Variants in MAP4 observed in about 807,000 individuals in gnomAD.
The protein encoded by MAP4 is microtubule-associated protein 4.
Under a neutral mutation model 170.2 loss-of-function variants are expected in MAP4, and 76 were observed. That is an observed-to-expected ratio of 0.45 (90% confidence interval 0.37 to 0.54). The LOEUF (loss-of-function observed/expected upper bound fraction) is 0.54. MAP4 is among the 20% of genes least tolerant of loss of function. The pLI is 0.00. For missense variants in MAP4, 2,506 were observed against 2,748.0 expected, an observed-to-expected ratio of 0.91 and a Z score of 1.97; for synonymous variants, 909 against 994.5, an observed-to-expected ratio of 0.91 and a Z score of 1.62.
chr3:47,908,050 T>TC (rs1467162178), intron 9 of MAP4, among the ~76,000 whole-genome samples: 3 of 151,976 alleles, frequency 2.0e-5, no homozygotes, highest in Non-Finnish European at 4.4e-5. Context: ...CAATTGGTGT[T>TC]TTTTTTAAAT....
intron 4 of MAP4, among the ~76,000 whole-genome samples, chr3:47,927,089 G>A (rs1043164352): frequency 3.5e-4 from 53 of 150,560 alleles, no homozygotes; most frequent in African/African-American, 1.2e-3. Flanking sequence ...AACTCAGGAG[G>A]CAGAGGTTGC....
intron 2 of MAP4, among the ~76,000 whole-genome samples, chr3:47,996,294 C>CA: frequency 6.6e-6 from 1 of 152,228 alleles, no homozygotes; most frequent in South Asian, 2.1e-4. Context: ...ACACCAATAC[C>CA]ATGAGAAGAC....
chr3:48,019,571 G>T (rs1302181746), upstream of MAP4, among the ~76,000 whole-genome samples: 1 of 151,738 alleles, frequency 6.6e-6, no homozygotes, highest in Non-Finnish European at 1.5e-5. Context: ...TAGCTTTTGA[G>T]AACTATTTTA....
chr3:47,864,858 CT>C (rs145568889), intron 17 of MAP4, among the ~76,000 whole-genome samples: 1 of 151,954 alleles, frequency 6.6e-6, no homozygotes, highest in Non-Finnish European at 1.5e-5. Flanking sequence ...CAGAGCAAGA[CT>C]TTTTTTTGTA....
chr3:48,066,873 C>T (rs6805330), intron 1 of MAP4, among the ~76,000 whole-genome samples: 1,321 of 130,684 alleles, frequency 0.01, 24 homozygotes, highest in African/African-American at 0.038. Flanking sequence ...CGGAGTCTCG[C>T]TCTGTCGCCC....
chr3:47,910,145 T>C lies in MAP4; in HGVS notation c.4276A>G (p.Ile1426Val). The change falls in exon 9 of 21, where the codon ATA becomes GTA. Residue 1426 changes from isoleucine (I) to valine (V), a missense_variant. Transcript: ENST00000683076. ...ACCTCTAGAGGAGATGATTTATTTATCAGCTCTGATGGTGTTCTGGGACAG... is the reference window on the plus strand; with the variant it reads ...ACCTCTAGAGGAGATGATTTATTTACCAGCTCTGATGGTGTTCTGGGACAG... ...FTCPRTPSEL[I>V]NKSSPLEVLE... The C allele has an allele frequency of 6.2e-7, 1 of 1,614,042 alleles. No individual in the cohort carries two copies. Among genetic ancestry groups the C allele is most frequent in the Non-Finnish European group, 8.5e-7 (1 of 1,179,886 alleles).
At chr3:47,922,739 T>C (rs1056846074) in intron 4 of MAP4, among the ~76,000 whole-genome samples, 2 of 152,082 alleles carry the variant, frequency 1.3e-5, no homozygotes, top group Non-Finnish European at 2.9e-5. Flanking sequence ...GGTAAACTCT[T>C]TGTGCTTTTG....
At chr3:47,898,689 G>GT (rs1559963115) in intron 10 of MAP4, among the ~76,000 whole-genome samples, 1 of 152,192 alleles carries the variant, frequency 6.6e-6, no homozygotes, top group Non-Finnish European at 1.5e-5. Context: ...GCCCACGCCT[G>GT]TAACACCAGC....
intron 1 of MAP4, among the ~76,000 whole-genome samples, chr3:48,025,106 T>A (rs2100112354): frequency 6.6e-6 from 1 of 152,072 alleles, no homozygotes; most frequent in South Asian, 2.1e-4. Context: ...AGTCTACCAT[T>A]TTATGATTTG....
intron 11 of MAP4, among the ~76,000 whole-genome samples, chr3:47,876,160 GTC>G (rs2095374881): frequency 1.4e-5 from 2 of 145,472 alleles, no homozygotes; most frequent in East Asian, 4.0e-4. Flanking sequence ...TTGAGATGGA[GTC>G]TCTCTCTGTC....
chr3:47,918,910 T>C (rs149522091), intron 5 of MAP4, 69 bp from the exon 6 acceptor site: 16 of 1,404,946 alleles, frequency 1.1e-5, no homozygotes, highest in African/African-American at 4.3e-5. Context: ...GTATTTGATA[T>C]ATTTTTGTTT....
intron 7 of MAP4, 45 bp downstream of exon 7, chr3:47,915,906 A>G (rs1467159842): frequency 2.6e-6 from 4 of 1,560,560 alleles, no homozygotes; most frequent in African/African-American, 2.7e-5. Context: ...TCTCGAGACT[A>G]CAACCTGGTA....
intron 5 of MAP4, among the ~76,000 whole-genome samples, chr3:47,921,096 C>T (rs528501703): frequency 3.3e-5 from 5 of 152,150 alleles, no homozygotes; most frequent in Non-Finnish European, 5.9e-5. Flanking sequence ...TGCAGTGGGC[C>T]GTGATCGCAT....
intron 3 of MAP4, among the ~76,000 whole-genome samples, chr3:47,956,518 T>A (rs1389988151): frequency 2.0e-5 from 3 of 152,222 alleles, no homozygotes; most frequent in African/African-American, 7.2e-5. Flanking sequence ...AGGTAAGACA[T>A]GGCCAGAAGC....
chr3:47,914,178 T>G (rs772135503), intron 8 of MAP4, among the ~76,000 whole-genome samples: 5 of 152,168 alleles, frequency 3.3e-5, no homozygotes, highest in Admixed American at 2.6e-4. Context: ...TATAGGCAAG[T>G]TATGTAACTT....
At chr3:48,079,305 C>T (rs921979495) in intron 1 of MAP4, among the ~76,000 whole-genome samples, 1 of 151,894 alleles carries the variant, frequency 6.6e-6, no homozygotes, top group African/African-American at 2.4e-5. Flanking sequence ...AAAATATGAA[C>T]AATTCTGGTC....
chr3:48,082,797 CAAAAAAAAAAAA>C (rs1294638726), intron 1 of MAP4, among the ~76,000 whole-genome samples: 2 of 49,012 alleles, frequency 4.1e-5, no homozygotes, highest in African/African-American at 7.4e-5. Context: ...GACTTTGTCT[CAAAAAAAAAAAA>C]AAAAAAAAAA....
chr3:48,040,420 A>G (rs545065798), intron 1 of MAP4, among the ~76,000 whole-genome samples: 26 of 149,962 alleles, frequency 1.7e-4, no homozygotes, highest in African/African-American at 6.2e-4. Context: ...AGGCGCCTGC[A>G]GCCATGCCCA....
rs527600603 is a variant in MAP4, at chr3:48,002,349, C to T, written c.-19-3470G>A. Among the ~76,000 whole-genome samples, 5 of 151,792 alleles carry T rather than the reference C, an allele frequency of 3.3e-5. No homozygotes were observed. The South Asian group carries it at 1.0e-3, about 32-fold the overall frequency. ...GCTGAAGTGGGAGGATTACTTGAGA[C>T]TAGGAATTCAAGACCAGCTAGGCAA... On this transcript the variant is annotated intron_variant, in intron 1 of 20. Transcript: ENST00000683076.
Sources: allele counts gnomAD v4.1 joint callset (sites outside exome capture counted in the v4.1 genomes callset), GRCh38; gene constraint gnomAD v4.1.1; transcripts MANE v1.5; gene names NCBI Gene and HGNC (gene_info 2026-07-23, HGNC 2026-07-21).